VSNL1: variants seen among roughly 807,000 people sequenced by gnomAD.
VSNL1 encodes visinin like 1, also known as visinin-like protein 1.
A neutral mutation model predicts 20.4 loss-of-function variants in VSNL1; 6 were observed. That is an observed-to-expected ratio of 0.29 (90% CI 0.16 to 0.58). VSNL1 has a LOEUF of 0.58. Ranked by LOEUF, VSNL1 falls within the 20% of genes least tolerant of loss-of-function variation. The pLI is 0.90. For missense variants in VSNL1, 100 were observed against 234.5 expected, an observed-to-expected ratio of 0.43 and a Z score of 3.75; for synonymous variants, 93 against 86.4, an observed-to-expected ratio of 1.08 and a Z score of -0.42.
rs781545516 is a variant in VSNL1 at position 17,655,349 on chromosome 2, C to T, written c.531C>T (p.Ser177=). 7 of 1,613,692 alleles carry T rather than the reference C, an allele frequency of 4.3e-6. No homozygotes were observed. Among genetic ancestry groups the T allele is most frequent in the African/African-American group, 2.7e-5 (2 of 74,852 alleles). The change falls in exon 4 of 4, where the codon AGC becomes AGT. Residue 177 remains serine, a synonymous_variant. Transcript: ENST00000295156. The surrounding 1 kb of genome is among the most constrained non-coding windows in gnomAD (Gnocchi z 5.2). ...ATGAATTCAAAGAAGCTGCAAAGAG[C>T]GACCCTTCCATTGTATTACTTCTGC... ...TLDEFKEAAK[S]DPSIVLLLQC... is the part of the protein sequence containing the mutation.
chr2:17,603,312 G>A (rs1664872879), intron 2 of VSNL1, among the ~76,000 whole-genome samples: 1 of 152,180 alleles, frequency 6.6e-6, no homozygotes, highest in Non-Finnish European at 1.5e-5. Flanking sequence ...CCCCTCTCTG[G>A]TTCATAAATG....
intron 1 of VSNL1, among the ~76,000 whole-genome samples, chr2:17,551,883 C>T (rs1663543936): frequency 7.1e-6 from 1 of 140,108 alleles, no homozygotes; most frequent in African/African-American, 2.7e-5. Context: ...ATAATAATAG[C>T]TAGCAATTTT....
At chr2:17,617,249 C>T (rs1665239584) in intron 2 of VSNL1, among the ~76,000 whole-genome samples, 1 of 152,136 alleles carries the variant, frequency 6.6e-6, no homozygotes, top group South Asian at 2.1e-4. Flanking sequence ...TAATTGAGCA[C>T]TTTGAGAGCC....
rs566331014 is a variant in VSNL1, at chr2:17,651,832, A to G, written c.378+2207A>G. 1.3e-4 allele frequency among the ~76,000 whole-genome samples: 20 copies of G among 152,314 alleles called. No homozygotes were observed. In the South Asian group the frequency reaches 3.9e-3, roughly 30 times the overall value. ...TTTCCTGCTTCGTGACACGTGTAAT[A>G]ATTTTTATTGGTTCCTGGACATTAT... On this transcript the variant is annotated intron_variant, in intron 3 of 3. Transcript: ENST00000295156.
chr2:17,603,324 C>G (rs1664873370), intron 2 of VSNL1, among the ~76,000 whole-genome samples: 1 of 152,248 alleles, frequency 6.6e-6, no homozygotes, highest in South Asian at 2.1e-4. Context: ...TCATAAATGA[C>G]TCTTTCTTGC....
At chr2:17,597,062 C>T (rs58453750) in intron 2 of VSNL1, among the ~76,000 whole-genome samples, 2 of 152,266 alleles carry the variant, frequency 1.3e-5, no homozygotes, top group African/African-American at 4.8e-5. Flanking sequence ...GTGAGAGACT[C>T]TATGAAATTT....
intron 2 of VSNL1, among the ~76,000 whole-genome samples, chr2:17,598,176 G>T (rs1198293250): frequency 6.6e-6 from 1 of 152,124 alleles, no homozygotes; most frequent in Non-Finnish European, 1.5e-5. Flanking sequence ...GTGCCCCTGG[G>T]CTTAAAAACC....
At chr2:17,623,669 CAAAAAAAA>C (rs5829599) in intron 2 of VSNL1, among the ~76,000 whole-genome samples, 2 of 70,350 alleles carry the variant, frequency 2.8e-5, no homozygotes, top group East Asian at 5.1e-4. Flanking sequence ...GACTCCATCT[CAAAAAAAA>C]AAAAAAAAAA....
At chr2:17,567,999 C>CT (rs1324573242) in intron 1 of VSNL1, among the ~76,000 whole-genome samples, 1 of 152,012 alleles carries the variant, frequency 6.6e-6, no homozygotes, top group East Asian at 1.9e-4. Flanking sequence ...TTAGTCTATT[C>CT]TTTTTTTAGA....
chr2:17,587,348 A>AACACACACACAC (rs67537461), intron 1 of VSNL1, among the ~76,000 whole-genome samples: 56 of 134,658 alleles, frequency 4.2e-4, no homozygotes, highest in African/African-American at 1.4e-3. Flanking sequence ...GGCTGAGGGC[A>AACACACACACAC]ACACACACAC....
chr2:17,644,425 C>T lies in VSNL1; in HGVS notation c.163-4985C>T, dbSNP rs74728324. On this transcript the variant is annotated intron_variant, in intron 2 of 3. Coordinates refer to ENST00000295156, the MANE Select transcript of VSNL1 (RefSeq NM_003385.5). ...AGCCCAGTAGGCCTAAAGCAAAGAG[C>T]AGCCTGACAGTGCACGAGGGGCCCC... Among the ~76,000 whole-genome samples the T allele has an allele frequency of 9.7e-3, 1,471 of 152,254 alleles. 10 individuals are homozygous for T. Among genetic ancestry groups the T allele is most frequent in the South Asian group, 0.039 (188 of 4,830 alleles).
At chr2:17,622,545 AAAGAAAGAAAGAAAG>A (rs1558303612) in intron 2 of VSNL1, among the ~76,000 whole-genome samples, 1,779 of 64,676 alleles carry the variant, frequency 0.028, 33 homozygotes, top group Non-Finnish European at 0.043. Flanking sequence ...AGAAAGAAAG[AAAGAAAGAAAGAAAG>A]AAAGAAAGAA....
intron 1 of VSNL1, among the ~76,000 whole-genome samples, chr2:17,575,147 G>A (rs1239665476): frequency 6.6e-6 from 1 of 152,052 alleles, no homozygotes; most frequent in Non-Finnish European, 1.5e-5. Flanking sequence ...TTTTGTAGGA[G>A]ATGGCCAAGA....
intron 1 of VSNL1, among the ~76,000 whole-genome samples, chr2:17,588,808 G>C (rs1488353557): frequency 6.6e-6 from 1 of 152,056 alleles, no homozygotes; most frequent in Non-Finnish European, 1.5e-5. Flanking sequence ...ATTTATACTT[G>C]TGAATGCATT....
intron 1 of VSNL1, among the ~76,000 whole-genome samples, chr2:17,560,005 A>T (rs1032015813): frequency 1.3e-5 from 2 of 151,988 alleles, no homozygotes; most frequent in Non-Finnish European, 2.9e-5. Context: ...TTACAAAAAA[A>T]GTAGCCTTTT....
intron 1 of VSNL1, among the ~76,000 whole-genome samples, chr2:17,579,836 G>A (rs1664308711): frequency 6.6e-6 from 1 of 152,128 alleles, no homozygotes; most frequent in African/African-American, 2.4e-5. Context: ...TGAATTAACA[G>A]CAGTCTTTTA....
chr2:17,576,482 T>C (rs371061194), intron 1 of VSNL1, among the ~76,000 whole-genome samples: 2 of 152,232 alleles, frequency 1.3e-5, no homozygotes. Flanking sequence ...TGGTGGGTTA[T>C]ATTAACATGC....
chr2:17,552,217 A>C (rs1344176194), intron 1 of VSNL1, among the ~76,000 whole-genome samples: 41 of 151,410 alleles, frequency 2.7e-4, no homozygotes, highest in African/African-American at 9.7e-4. Flanking sequence ...AAAAAACAAA[A>C]AAAAACTTAG....
chr2:17,583,188 C>A (rs927612745), intron 1 of VSNL1, among the ~76,000 whole-genome samples: 2 of 152,246 alleles, frequency 1.3e-5, no homozygotes, highest in African/African-American at 4.8e-5. Flanking sequence ...CCACTCACCC[C>A]CTCCACCAAA....
Sources: gnomAD v4.1 joint callset for allele counts (sites outside exome capture counted in the v4.1 genomes callset) on GRCh38, gnomAD v4.1.1 for gene constraint, Gnocchi (gnomAD v3.1) non-coding constraint, MANE v1.5 for transcripts, NCBI Gene and HGNC (gene_info 2026-07-23, HGNC 2026-07-21) for gene names.